ADGRG7: variants seen among roughly 807,000 people sequenced by gnomAD.
ADGRG7 encodes G-protein coupled receptor 128.
Under a neutral mutation model 88.6 loss-of-function variants are expected in ADGRG7, and 82 were observed. That is an observed-to-expected ratio of 0.93 (90% confidence interval 0.77 to 1.11). The LOEUF (loss-of-function observed/expected upper bound fraction) is 1.11. Ranked by LOEUF, ADGRG7 falls within the 50% of genes most tolerant of loss-of-function variation. ADGRG7 has a pLI of 0.00. For missense variants in ADGRG7, 945 were observed against 953.4 expected, an observed-to-expected ratio of 0.99 and a Z score of 0.12; for synonymous variants, 381 against 345.2, an observed-to-expected ratio of 1.10 and a Z score of -1.15.
intron 14 of ADGRG7, among the ~76,000 whole-genome samples, chr3:100,666,288 C>T (rs2094951657): frequency 6.6e-6 from 1 of 152,076 alleles, no homozygotes; most frequent in Admixed American, 6.6e-5. Flanking sequence ...GAGGATCCCG[C>T]CAGCCTCTGA....
chr3:100,661,933 T>C (rs1292031068), intron 14 of ADGRG7, among the ~76,000 whole-genome samples: 5 of 152,182 alleles, frequency 3.3e-5, no homozygotes, highest in Non-Finnish European at 7.4e-5. Flanking sequence ...TCAAACTCTA[T>C]AGATTCCAGT....
intron 15 of ADGRG7, among the ~76,000 whole-genome samples, chr3:100,681,471 A>C (rs1372427925): frequency 6.6e-6 from 1 of 151,878 alleles, no homozygotes; most frequent in African/African-American, 2.4e-5. Context: ...CCACCATGTC[A>C]GGCTAATTTT....
intron 3 of ADGRG7, among the ~76,000 whole-genome samples, chr3:100,632,659 T>G (rs1707473686): frequency 6.6e-6 from 1 of 152,198 alleles, no homozygotes; most frequent in Non-Finnish European, 1.5e-5. Flanking sequence ...TTCTAGTTGT[T>G]GTCCCAAGAA....
At chr3:100,635,034 C>CAT (rs1553691403) in intron 4 of ADGRG7, among the ~76,000 whole-genome samples, 1 of 150,018 alleles carries the variant, frequency 6.7e-6, no homozygotes, top group East Asian at 1.9e-4. Context: ...CACACATACA[C>CAT]ACACACGTGC....
At chr3:100,694,640 G>A (rs1344729519) in intron 15 of ADGRG7, 104 bp from the exon 16 acceptor site, 2 of 1,080,450 alleles carry the variant, frequency 1.9e-6, no homozygotes, top group East Asian at 2.5e-5. Context: ...AGTTGGGGAA[G>A]TGCCGTGCAG....
chr3:100,628,583 T>G (rs1313292674), intron 1 of ADGRG7, among the ~76,000 whole-genome samples: 1 of 152,138 alleles, frequency 6.6e-6, no homozygotes, highest in Non-Finnish European at 1.5e-5. Context: ...CTCGAACTCC[T>G]GACCTCAAGT....
intron 1 of ADGRG7, among the ~76,000 whole-genome samples, chr3:100,617,365 TC>T (rs1227871009): frequency 1.4e-5 from 2 of 144,092 alleles, no homozygotes; most frequent in Non-Finnish European, 3.0e-5. Flanking sequence ...TGCTATCCCT[TC>T]CCCTCCCCCC....
At chr3:100,640,777 C>T (rs1320609622) in intron 6 of ADGRG7, among the ~76,000 whole-genome samples, 1 of 152,132 alleles carries the variant, frequency 6.6e-6, no homozygotes, top group Non-Finnish European at 1.5e-5. Context: ...CTGCTTTGGC[C>T]TCCTAGACTG....
intron 1 of ADGRG7, among the ~76,000 whole-genome samples, chr3:100,622,271 T>C (rs1477320923): frequency 9.1e-5 from 3 of 33,062 alleles, no homozygotes; most frequent in Non-Finnish European, 2.3e-4. Context: ...TTCATTTTTT[T>C]TTTTTTTTTT....
chr3:100,657,284 G>T (rs891567985), intron 13 of ADGRG7, among the ~76,000 whole-genome samples: 2 of 152,146 alleles, frequency 1.3e-5, no homozygotes, highest in African/African-American at 4.8e-5. Flanking sequence ...ATTTCTTCAG[G>T]ATATATTGAA....
In ADGRG7 at chr3:100,643,317, G is replaced by A. The variant is rs61212523; in HGVS notation, c.750G>A (p.Val250=). 6 of 1,613,968 alleles carry A rather than the reference G, an allele frequency of 3.7e-6. No homozygotes were observed. The African/African-American group carries it at 8.0e-5, about 22-fold the overall frequency. The change falls in exon 7 of 16, where the codon GTG becomes GTA. Residue 250 remains valine (V), a synonymous_variant. Coordinates refer to ENST00000273352, the MANE Select transcript of ADGRG7 (RefSeq NM_032787.3). ...TYSLSLGNQS[V]VEPNIAIQSA... Reference sequence around the variant, plus strand: ...CCTTGTCTTTGGGTAATCAATCAGTGGTGGAACCTAACATAGCAATACAGT... The same window carrying A: ...CCTTGTCTTTGGGTAATCAATCAGTAGTGGAACCTAACATAGCAATACAGT...
chr3:100,657,044 A>G (rs1444252643), intron 13 of ADGRG7, among the ~76,000 whole-genome samples: 2 of 152,226 alleles, frequency 1.3e-5, no homozygotes, highest in African/African-American at 4.8e-5. Context: ...TCACTCCTTT[A>G]AAAGTCTTCA....
intron 4 of ADGRG7, among the ~76,000 whole-genome samples, chr3:100,634,115 C>T (rs527346742): frequency 6.6e-6 from 1 of 152,300 alleles, no homozygotes; most frequent in South Asian, 2.1e-4. Flanking sequence ...ATAGAAAGTA[C>T]ATCTAACTAG....
chr3:100,643,224 T>C lies in ADGRG7; in HGVS notation c.699-42T>C, dbSNP rs769031133. On this transcript the variant is annotated intron_variant, in intron 6 of 15. Coordinates refer to ENST00000273352, the MANE Select transcript of ADGRG7 (RefSeq NM_032787.3). Reference sequence around the variant, plus strand: ...GACAGAACACATACCTTTCATTTTATGACAAAATCTTGAGTATTAAATTGT... The same window carrying C: ...GACAGAACACATACCTTTCATTTTACGACAAAATCTTGAGTATTAAATTGT... 5.1e-6 allele frequency: 8 copies of C among 1,575,870 alleles called. No homozygotes were observed. The East Asian group carries it at 1.1e-4, about 22-fold the overall frequency.
chr3:100,646,831 C>G (rs139152678), intron 10 of ADGRG7, 107 bp downstream of exon 10: 661 of 954,494 alleles, frequency 6.9e-4, no homozygotes, highest in Non-Finnish European at 9.8e-4. Context: ...CATAGATTCT[C>G]AACTCAGATT....
chr3:100,616,140 C>T (rs1055234768), intron 1 of ADGRG7, among the ~76,000 whole-genome samples: 4 of 151,946 alleles, frequency 2.6e-5, no homozygotes, highest in Admixed American at 6.6e-5. Flanking sequence ...GCCCCAGGAT[C>T]GTAAAAGAAG....
In ADGRG7 at chr3:100,635,858, T is replaced by C. The variant is rs765727310; in HGVS notation, c.597+32T>C. On this transcript the variant is annotated intron_variant, in intron 5 of 15. Coordinates refer to ENST00000273352, the MANE Select transcript of ADGRG7 (RefSeq NM_032787.3). The stretch of plus-strand genomic sequence containing the variant: ...CTCACAGAGCTTTAAAAAAAATTTT[T>C]TTTTTATTTTTAGAGGGGGTGTTGG... 8.4e-6 allele frequency: 13 copies of C among 1,549,124 alleles called. No homozygotes were observed. The East Asian group carries it at 3.1e-4, about 37-fold the overall frequency.
At chr3:100,647,988 GCT>G (rs1559679169) in intron 10 of ADGRG7, among the ~76,000 whole-genome samples, 2 of 152,110 alleles carry the variant, frequency 1.3e-5, no homozygotes, top group Admixed American at 1.3e-4. Context: ...AATTATAAAA[GCT>G]CTCTTATTCA....
intron 15 of ADGRG7, among the ~76,000 whole-genome samples, chr3:100,687,193 A>G (rs560890433): frequency 3.1e-3 from 472 of 152,336 alleles, no homozygotes; most frequent in Non-Finnish European, 4.9e-3. Context: ...TTAATGGTGT[A>G]TAAGAATGCT....
Sources: gnomAD v4.1 joint callset for allele counts (sites outside exome capture counted in the v4.1 genomes callset) on GRCh38, gnomAD v4.1.1 for gene constraint, MANE v1.5 for transcripts, NCBI Gene and HGNC (gene_info 2026-07-23, HGNC 2026-07-21) for gene names.